ZAN: variants seen among roughly 807,000 people sequenced by gnomAD.
ZAN encodes zonadhesin (gene/pseudogene).
A neutral mutation model predicts 286.2 loss-of-function variants in ZAN; 260 were observed. The observed-to-expected ratio is 0.91, with a 90% CI of 0.82 to 1.01. The LOEUF is 1.01. Among genes scored for constraint, ZAN ranks in the 50% least tolerant of loss-of-function variants. The pLI, the probability that ZAN is intolerant of heterozygous loss-of-function variation, is 0.00. For missense variants in ZAN, 3,410 were observed against 3,639.2 expected (o/e 0.94, Z 1.62); for synonymous variants, 1,368 against 1,417.5 (o/e 0.97, Z 0.79).
chr7:100,792,729 G>A (rs1201364475), intron 42 of ZAN, among the ~76,000 whole-genome samples: 5 of 152,042 alleles, frequency 3.3e-5, no homozygotes, highest in African/African-American at 1.2e-4. Context: ...GCCCCTGCCT[G>A]GGAGCCTCCC....
In ZAN at chr7:100,736,541, A is replaced by G; in HGVS notation, c.165A>G (p.Gln55=). 1 of 1,523,532 alleles carries G rather than the reference A, an allele frequency of 6.6e-7. No homozygotes were observed. Among genetic ancestry groups the G allele is most frequent in the South Asian group, 1.1e-5 (1 of 88,834 alleles). The allele number at this position is 1,523,532 out of a possible 1,614,324, so 94.4% of individuals were successfully genotyped here. A position where few individuals can be genotyped will look rare whatever the true frequency, so the allele number is the denominator to read the frequency against. The part of the protein sequence containing the change: ...DDAKPLCDWS[Q]VSADDEDWVR... ...CCAAACCCCTCTGTGACTGGTCCCA[A>G]GTGTCCGCAGACGATGAAGACTGGG... Residue 55 remains glutamine, a synonymous_variant, in exon 4 of 48, where the codon CAA becomes CAG. Coordinates refer to ENST00000613979, the MANE Select transcript of ZAN (RefSeq NM_003386.3).
At chr7:100,754,320 G>A (rs964354013) in intron 14 of ZAN, among the ~76,000 whole-genome samples, 2 of 151,660 alleles carry the variant, frequency 1.3e-5, no homozygotes, top group South Asian at 2.1e-4. Context: ...TTAGCTGAGC[G>A]TGGTGGTGGG....
chr7:100,741,513 C>T (rs1807759964), intron 7 of ZAN, among the ~76,000 whole-genome samples: 3 of 57,498 alleles, frequency 5.2e-5, no homozygotes, highest in African/African-American at 1.5e-4. Flanking sequence ...GGCAGGGGGG[C>T]TGACCCCCCC....
chr7:100,751,314 C>A, intron 13 of ZAN, 48 bp downstream of exon 13: 1 of 1,377,054 alleles, frequency 7.3e-7, no homozygotes, highest in South Asian at 1.4e-5. Flanking sequence ...CCCTGAGGTT[C>A]CCTGGAGTTC....
chr7:100,753,264 A>T, intron 14 of ZAN, 35 bp downstream of exon 14: 1 of 1,534,404 alleles, frequency 6.5e-7, no homozygotes. Flanking sequence ...CAAGGCTGAA[A>T]GTCAGAGACA....
In ZAN at chr7:100,734,927, T is replaced by A; in HGVS notation, c.53+706T>A. 2.1e-5 allele frequency among the ~76,000 whole-genome samples: 3 copies of A among 140,880 alleles called. 1 individual carries two copies. Among genetic ancestry groups the A allele is most frequent in the Non-Finnish European group, 4.8e-5 (3 of 62,968 alleles). 92.4% of individuals were successfully genotyped at this position (140,880 alleles called of 152,430 possible). On this transcript the variant is annotated intron_variant, in intron 2 of 47. Coordinates refer to ENST00000613979, the MANE Select transcript of ZAN (RefSeq NM_003386.3). ...CAGGCCAAGCGCGGCGGCTCACCCC[T>A]GTAATCCCAGCACTTTGGGAGGCCG...
At position 100,797,555 on chromosome 7, in the gene ZAN, T is replaced by C. The variant is rs781453791; in HGVS notation, c.8367-22T>C. ...GTAAAGGGCCACTTGGGGACCCATG[T>C]CTATTCCCCCATGCCTTCTAGAGAG... On this transcript the variant is annotated intron_variant, in intron 46 of 47. Transcript: ENST00000613979. 1.4e-5 allele frequency: 22 copies of C among 1,613,780 alleles called. 1 individual carries two copies. The South Asian group carries it at 2.3e-4, about 17-fold the overall frequency.
chr7:100,759,683 T>G, intron 17 of ZAN, 38 bp from the exon 18 acceptor site: 1 of 1,554,314 alleles, frequency 6.4e-7, no homozygotes, highest in Non-Finnish European at 8.7e-7. Flanking sequence ...TGTTCAGAAA[T>G]GAGCCACTGG....
chr7:100,775,783 G>T lies in ZAN; in HGVS notation c.6142G>T (p.Asp2048Tyr), dbSNP rs999096895. ...CAAGATCGGGGTGCAAGTCAAGTTT[G>T]ACGGGAATCATCTCTTAGAGATTGA... ...NIKIGVQVKF[D>Y]GNHLLEIEIP... The change falls in exon 33 of 48, where the codon GAC (aspartate) becomes TAC (tyrosine). Residue 2048 changes from aspartate to tyrosine, a missense_variant. By Grantham distance (160) the Asp-to-Tyr change is radical (BLOSUM62 -3). Around this residue, in one of 7 missense-constraint regions of ZAN, gnomAD observed 1,289 missense variants for 1,314.3 expected, o/e 0.98. Transcript: ENST00000613979. 6.2e-7 allele frequency: 1 copy of T among 1,613,912 alleles called. No individual in the cohort carries two copies. Among genetic ancestry groups the T allele is most frequent in the Non-Finnish European group, 8.5e-7 (1 of 1,179,906 alleles).
Position 100,792,139 on chromosome 7 carries a change from C to T in ZAN, c.7703C>T (p.Pro2568Leu), listed in dbSNP as rs763795825. Residue 2568 changes from proline (P) to leucine (L), a missense_variant, in exon 41 of 48, where the codon CCC becomes CTC. This residue lies in a region of ZAN where 1,289 missense variants were observed against 1,314.3 expected (regional missense o/e 0.98). Transcript: ENST00000613979. ...TGTCACCAGACGGTGGCCCCAGAGC[C>T]CTTCCAAGAGTGAGTCATGGGCCCA... ...AACHQTVAPE[P>L]FQEHCVLDLC... 1.2e-6 allele frequency: 2 copies of T among 1,608,238 alleles called. No homozygotes were observed. The highest frequency in any genetic ancestry group is 2.2e-5 in the South Asian group (2 of 90,396).
intron 35 of ZAN, among the ~76,000 whole-genome samples, chr7:100,782,941 C>T (rs1238001817): frequency 2.0e-5 from 3 of 152,162 alleles, no homozygotes; most frequent in African/African-American, 7.2e-5. Flanking sequence ...TTGCATGTAG[C>T]AGTAACACAA....
At chr7:100,782,200 T>A (rs961203514) in intron 35 of ZAN, among the ~76,000 whole-genome samples, 31 of 152,034 alleles carry the variant, frequency 2.0e-4, no homozygotes, top group Non-Finnish European at 3.1e-4. Flanking sequence ...GACTTTTTTT[T>A]TTTTTGCCAT....
At chr7:100,738,418 AAAG>A (rs1425277991) in intron 6 of ZAN, 40 bp from the exon 7 acceptor site, 2 of 1,432,960 alleles carry the variant, frequency 1.4e-6, no homozygotes, top group South Asian at 1.2e-5. Context: ...TGTCTCTAAA[AAAG>A]AAGAAAACAT....
intron 23 of ZAN, among the ~76,000 whole-genome samples, chr7:100,765,887 G>A (rs1809933930): frequency 6.6e-6 from 1 of 152,138 alleles, no homozygotes; most frequent in Non-Finnish European, 1.5e-5. Flanking sequence ...TTGATCTCTT[G>A]ACCTTGTGAT....
In ZAN at chr7:100,795,325, C is replaced by A. The variant is rs1812290954; in HGVS notation, c.8255C>A (p.Pro2752His). ...ATGGAGCCTCGAGATGCGCCACCTCCCAGAAAGCCAGGTGAGGGCATCGTC... is the reference window on the plus strand; with the variant it reads ...ATGGAGCCTCGAGATGCGCCACCTCACAGAAAGCCAGGTGAGGGCATCGTC... The part of the protein sequence containing the change: ...LCMEPRDAPP[P>H]RKPASNLVGV... The change falls in exon 45 of 48, where the codon CCC becomes CAC. Residue 2752 changes from proline (P) to histidine (H), a missense_variant. This residue lies in a region of ZAN where 1,289 missense variants were observed against 1,314.3 expected (regional missense o/e 0.98). Coordinates refer to ENST00000613979, the MANE Select transcript of ZAN (RefSeq NM_003386.3). 6.3e-7 allele frequency: 1 copy of A among 1,587,962 alleles called. No individual in the cohort carries two copies. Among genetic ancestry groups the A allele is most frequent in the Non-Finnish European group, 8.6e-7 (1 of 1,164,670 alleles).
chr7:100,794,287 G>A, intron 44 of ZAN, 29 bp downstream of exon 44: 2 of 1,566,448 alleles, frequency 1.3e-6, no homozygotes, highest in Non-Finnish European at 1.7e-6. Flanking sequence ...CCGGTTCCAA[G>A]CTGCCCCATG....
At chr7:100,747,473 C>A in intron 8 of ZAN, 77 bp from the exon 9 acceptor site, 1 of 1,224,432 alleles carries the variant, frequency 8.2e-7, no homozygotes, top group East Asian at 2.3e-5. Flanking sequence ...CTCTGCTCCT[C>A]ATCCTCCTAG....
At position 100,748,367 on chromosome 7, in the gene ZAN, C is replaced by T; in HGVS notation, c.1146C>T (p.Phe382=). The change falls in exon 11 of 48, where the codon TTC becomes TTT. Residue 382 remains phenylalanine, a synonymous_variant. Coordinates refer to ENST00000613979, the MANE Select transcript of ZAN (RefSeq NM_003386.3). ...QCDFEDNAHP[F]CDWVQTSGDG... The stretch of plus-strand genomic sequence containing the variant: ...ACTTTGAAGACAACGCCCATCCCTT[C>T]TGTGACTGGGTCCAGACTTCCGGGG... The T allele has an allele frequency of 1.9e-6, 3 of 1,614,012 alleles. No homozygotes were observed. The highest frequency in any genetic ancestry group is 2.5e-6 in the Non-Finnish European group (3 of 1,179,898).
chr7:100,736,132 C>T lies in ZAN; in HGVS notation c.107-351C>T, dbSNP rs1307329295. 2.8e-5 allele frequency among the ~76,000 whole-genome samples: 4 copies of T among 142,304 alleles called. 1 individual carries two copies. Among genetic ancestry groups the T allele is most frequent in the African/African-American group, 7.7e-5 (3 of 39,142 alleles). 93.4% of individuals were successfully genotyped at this position (142,304 alleles called of 152,430 possible). ...AGGAGTTTGAGAGCAGCCTGGGCAA[C>T]ATAGTAAGACTCCATCTCCACAAAA... On this transcript the variant is annotated intron_variant, in intron 3 of 47. Coordinates refer to ENST00000613979, the MANE Select transcript of ZAN (RefSeq NM_003386.3).
Sources: gnomAD v4.1 joint callset for allele counts (sites outside exome capture counted in the v4.1 genomes callset) on GRCh38, gnomAD v4.1.1 for gene constraint, gnomAD v4.1.1 regional missense constraint, MANE v1.5 for transcripts, NCBI Gene and HGNC (gene_info 2026-07-23, HGNC 2026-07-21) for gene names.